The following DGKB variants were observed in gnomAD, a reference collection of about 807,000 sequenced individuals.
The protein encoded by DGKB is 90 kDa diacylglycerol kinase.
DGKB carries 67 observed loss-of-function variants against 114.3 expected under a neutral mutation model. That is an observed-to-expected ratio of 0.59 (90% CI 0.48 to 0.72). DGKB has a LOEUF of 0.72. DGKB is among the 30% of genes least tolerant of loss of function. The pLI is 0.00. For missense variants in DGKB, 907 were observed against 975.2 expected, an observed-to-expected ratio of 0.93 and a Z score of 0.93; for synonymous variants, 398 against 323.1, an observed-to-expected ratio of 1.23 and a Z score of -2.49.
At chr7:14,422,285 A>G (rs1259402290) in intron 21 of DGKB, among the ~76,000 whole-genome samples, 4 of 152,066 alleles carry the variant, frequency 2.6e-5, no homozygotes, top group African/African-American at 4.8e-5. Flanking sequence ...AATAACTTTT[A>G]ATGGAGTAAA....
At chr7:14,939,700 G>A (rs371355845) in intron 1 of DGKB, among the ~76,000 whole-genome samples, 3 of 132,102 alleles carry the variant, frequency 2.3e-5, no homozygotes, top group African/African-American at 8.8e-5. Flanking sequence ...TGCAAGTTGC[G>A]CCTCCCGGCT....
rs1226542928 is a variant in DGKB at position 14,857,518 on chromosome 7, G to C, written c.-187-16068C>G. Among the ~76,000 whole-genome samples the C allele has an allele frequency of 2.6e-5, 4 of 152,222 alleles. No individual in the cohort carries two copies. The East Asian group carries it at 7.7e-4, about 29-fold the overall frequency. On this transcript the variant is annotated intron_variant, in intron 1 of 25. Coordinates refer to ENST00000402815, the MANE Select transcript of DGKB (RefSeq NM_001350709.2). ...TAATAAATAGCGGATGTTCGAAGCTGCAAAATTTGTGGTAATTTGTTAAAA... is the reference window on the plus strand; with the variant it reads ...TAATAAATAGCGGATGTTCGAAGCTCCAAAATTTGTGGTAATTTGTTAAAA...
chr7:14,701,607 T>C (rs1456461508), intron 7 of DGKB, 74 bp downstream of exon 7: 5 of 1,079,208 alleles, frequency 4.6e-6, no homozygotes, highest in Non-Finnish European at 5.7e-6. Flanking sequence ...TGGTAATAAC[T>C]ACAAATTTAT....
intron 21 of DGKB, among the ~76,000 whole-genome samples, chr7:14,456,612 C>T (rs957029048): frequency 1.3e-5 from 2 of 152,032 alleles, no homozygotes; most frequent in Non-Finnish European, 2.9e-5. Flanking sequence ...TCACTTCTTA[C>T]ATTATTTTTC....
rs74603219 is a variant in DGKB, at chr7:14,611,271, C to T, written c.1358+2069G>A. Among the ~76,000 whole-genome samples the T allele has an allele frequency of 9.8e-3, 1,495 of 152,224 alleles. 85 individuals are homozygous for T. The highest frequency in any genetic ancestry group is 0.072 in the Admixed American group (1,104 of 15,242). On this transcript the variant is annotated intron_variant, in intron 16 of 25. Transcript: ENST00000402815. The stretch of plus-strand genomic sequence containing the variant: ...GCAACAGATCTATTTATGTCCCTGC[C>T]TCTCTGCACGACTGTGTATTATGCC...
chr7:14,927,584 CA>C (rs1337027211), intron 1 of DGKB, among the ~76,000 whole-genome samples: 1 of 151,394 alleles, frequency 6.6e-6, no homozygotes, highest in Non-Finnish European at 1.5e-5. Flanking sequence ...AAGTCATGGT[CA>C]AAAAATATTA....
intron 2 of DGKB, among the ~76,000 whole-genome samples, chr7:14,828,324 G>A (rs1165922168): frequency 6.6e-6 from 1 of 152,054 alleles, no homozygotes; most frequent in African/African-American, 2.4e-5. Flanking sequence ...TCAAAGAGAA[G>A]CAAGATGGGA....
Position 14,802,121 on chromosome 7 carries a change from A to C in DGKB, c.70+39073T>G, listed in dbSNP as rs73070737. ...TCTGGGAATTGTCCCACTTATTTAT[A>C]GTCCTTTTAAATTAAGAGTGGGCTT... On this transcript the variant is annotated intron_variant, in intron 2 of 25. Coordinates refer to ENST00000402815, the MANE Select transcript of DGKB (RefSeq NM_001350709.2). Among the ~76,000 whole-genome samples, 266 of 152,192 alleles carry C rather than the reference A, an allele frequency of 1.7e-3. 1 individual carries two copies. The highest frequency in any genetic ancestry group is 3.2e-3 in the Non-Finnish European group (219 of 68,008).
intron 23 of DGKB, among the ~76,000 whole-genome samples, chr7:14,205,520 C>G (rs1197962702): frequency 1.3e-5 from 2 of 151,952 alleles, no homozygotes; most frequent in Non-Finnish European, 2.9e-5. Flanking sequence ...ATATTATGTT[C>G]TAAATTTTTC....
chr7:14,584,510 G>C (rs1349757087), intron 17 of DGKB, among the ~76,000 whole-genome samples: 1 of 152,066 alleles, frequency 6.6e-6, no homozygotes, highest in African/African-American at 2.4e-5. Flanking sequence ...GAAAGCCAAT[G>C]TCTTTTTATT....
intron 23 of DGKB, among the ~76,000 whole-genome samples, chr7:14,202,634 A>T (rs114495078): frequency 0.015 from 2,322 of 152,118 alleles, 47 homozygotes; most frequent in African/African-American, 0.052. Flanking sequence ...AATATAAAAA[A>T]ATATTATATA....
chr7:14,712,100 C>G (rs1352331866), intron 6 of DGKB, among the ~76,000 whole-genome samples: 1 of 151,840 alleles, frequency 6.6e-6, no homozygotes, highest in Non-Finnish European at 1.5e-5. Flanking sequence ...AAGGATCAAG[C>G]TGAGAATAAA....
At chr7:14,542,756 C>T (rs1408257939) in intron 20 of DGKB, among the ~76,000 whole-genome samples, 6 of 152,156 alleles carry the variant, frequency 3.9e-5, no homozygotes, top group Admixed American at 6.6e-5. Flanking sequence ...TCTCCTGTCC[C>T]GGCAGATTGC....
intron 1 of DGKB, among the ~76,000 whole-genome samples, chr7:14,873,618 ACTT>A (rs746843289): frequency 2.3e-4 from 35 of 152,034 alleles, no homozygotes; most frequent in Non-Finnish European, 4.6e-4. Context: ...ATCTCCATTA[ACTT>A]CTTATTATAG....
intron 21 of DGKB, among the ~76,000 whole-genome samples, chr7:14,476,925 T>C (rs1351268476): frequency 6.6e-6 from 1 of 152,044 alleles, no homozygotes; most frequent in African/African-American, 2.4e-5. Flanking sequence ...CTCATTTTTG[T>C]ATTTTTAGTA....
intron 13 of DGKB, among the ~76,000 whole-genome samples, chr7:14,647,996 G>A (rs191993575): frequency 0.031 from 4,747 of 152,266 alleles, 260 homozygotes; most frequent in African/African-American, 0.11. Flanking sequence ...AGGGTCCTAC[G>A]CCCACGGAGT....
At chr7:14,764,512 G>T (rs1270467527) in intron 2 of DGKB, among the ~76,000 whole-genome samples, 1 of 151,874 alleles carries the variant, frequency 6.6e-6, no homozygotes, top group East Asian at 1.9e-4. Flanking sequence ...ACTGATGTTT[G>T]CACTCAAAAC....
chr7:14,875,810 G>GTT (rs144483113), intron 1 of DGKB, among the ~76,000 whole-genome samples: 1 of 147,684 alleles, frequency 6.8e-6, no homozygotes, highest in Non-Finnish European at 1.5e-5. Context: ...ACATTATGAG[G>GTT]TTTTTTTTTT....
intron 1 of DGKB, among the ~76,000 whole-genome samples, chr7:14,927,239 C>G (rs1220194329): frequency 1.3e-5 from 2 of 152,004 alleles, no homozygotes; most frequent in East Asian, 1.9e-4. Context: ...TTAGAATGGT[C>G]TCCTTAACTA....
Sources: gnomAD v4.1 joint callset for allele counts (sites outside exome capture counted in the v4.1 genomes callset) on GRCh38, gnomAD v4.1.1 for gene constraint, MANE v1.5 for transcripts, NCBI Gene and HGNC (gene_info 2026-07-23, HGNC 2026-07-21) for gene names.